The following OTUD7A variants were observed in gnomAD, a reference collection of about 807,000 sequenced individuals.
OTUD7A encodes OTU deubiquitinase 7A, also known as OTU domain-containing protein 7A.
In OTUD7A, 12 loss-of-function variants were observed where a neutral mutation model predicts 65.7. That is an observed-to-expected ratio of 0.18 (90% CI 0.12 to 0.30). The LOEUF (loss-of-function observed/expected upper bound fraction) is 0.30, where lower values mean the gene tolerates loss of function less well. OTUD7A is among the 10% of genes least tolerant of loss of function. The pLI is 1.00. For synonymous variants in OTUD7A, 641 were observed against 586.3 expected, an observed-to-expected ratio of 1.09 and a Z score of -1.35; for missense variants, 1,148 against 1,304.8, an observed-to-expected ratio of 0.88 and a Z score of 1.85.
intron 1 of OTUD7A, among the ~76,000 whole-genome samples, chr15:31,681,980 G>T (rs972559874): frequency 4.6e-5 from 7 of 152,118 alleles, no homozygotes; most frequent in Non-Finnish European, 7.3e-5. Flanking sequence ...CAGGCACAAG[G>T]GAAGGGCACC....
chr15:31,693,052 C>T (rs1476934239), intron 1 of OTUD7A, among the ~76,000 whole-genome samples: 9 of 152,072 alleles, frequency 5.9e-5, no homozygotes, highest in African/African-American at 1.4e-4. Flanking sequence ...AGTGATCACT[C>T]GGTCTGTCTC....
intron 3 of OTUD7A, among the ~76,000 whole-genome samples, chr15:31,604,967 C>G (rs1032895452): frequency 6.6e-6 from 1 of 152,188 alleles, no homozygotes; most frequent in Non-Finnish European, 1.5e-5. Flanking sequence ...AGAGGCACGA[C>G]GAGCAGAGCA....
At chr15:31,632,953 G>A (rs1330664120) in intron 3 of OTUD7A, among the ~76,000 whole-genome samples, 5 of 152,158 alleles carry the variant, frequency 3.3e-5, no homozygotes, top group East Asian at 1.9e-4. Context: ...CTGGTGTGCC[G>A]TTTTTTAAGC....
At chr15:31,659,057 A>G (rs915882298) in intron 1 of OTUD7A, among the ~76,000 whole-genome samples, 2,842 of 104,004 alleles carry the variant, frequency 0.027, 69 homozygotes, top group African/African-American at 0.091. Flanking sequence ...ATAAATAAAT[A>G]AATAAATAAA....
chr15:31,537,458 A>G (rs1332045938), intron 5 of OTUD7A, among the ~76,000 whole-genome samples: 1 of 152,222 alleles, frequency 6.6e-6, no homozygotes, highest in Non-Finnish European at 1.5e-5. Flanking sequence ...ACCACCTACA[A>G]GTCACCTTAT....
intron 1 of OTUD7A, among the ~76,000 whole-genome samples, chr15:31,851,885 G>C (rs1009119986): frequency 2.6e-5 from 4 of 152,174 alleles, no homozygotes; most frequent in African/African-American, 7.2e-5. Flanking sequence ...TTGAGACAGG[G>C]TGTCGCTCTG....
At position 31,749,390 on chromosome 15, in the gene OTUD7A, G is replaced by A. The variant is rs567506411; in HGVS notation, c.-99-92313C>T. Among the ~76,000 whole-genome samples the A allele has an allele frequency of 4.8e-4, 73 of 152,284 alleles. No individual in the cohort carries two copies. The Middle Eastern group carries it at 0.01, about 21-fold the overall frequency. On this transcript the variant is annotated intron_variant, in intron 1 of 12. Coordinates refer to ENST00000307050, the MANE Select transcript of OTUD7A (RefSeq NM_001382637.1). ...ATTGGCACATCCACTTTGGAAAACA[G>A]TTTGGTATTCAGTGTGTGAATTTGA...
intron 6 of OTUD7A, among the ~76,000 whole-genome samples, chr15:31,529,589 G>A (rs940625517): frequency 1.3e-5 from 2 of 152,190 alleles, no homozygotes; most frequent in African/African-American, 4.8e-5. Flanking sequence ...GCAGGTAAGT[G>A]GCTGCCTTGC....
At chr15:31,686,532 T>G (rs1274330024) in intron 1 of OTUD7A, among the ~76,000 whole-genome samples, 2 of 152,196 alleles carry the variant, frequency 1.3e-5, no homozygotes, top group Non-Finnish European at 2.9e-5. Context: ...GGTTTGCTCC[T>G]GGGAAAGCAG....
intron 1 of OTUD7A, among the ~76,000 whole-genome samples, chr15:31,751,767 C>T (rs1406608529): frequency 6.6e-6 from 1 of 152,132 alleles, no homozygotes; most frequent in Non-Finnish European, 1.5e-5. Flanking sequence ...TTTCAAACAA[C>T]ATAAGTGGAG....
At chr15:31,742,563 C>A (rs1683545421) in intron 1 of OTUD7A, among the ~76,000 whole-genome samples, 1 of 152,052 alleles carries the variant, frequency 6.6e-6, no homozygotes, top group African/African-American at 2.4e-5. Context: ...ATGTCAAAAG[C>A]TTTTCCTACC....
chr15:31,863,893 C>T (rs1229172986), intron 1 of OTUD7A, among the ~76,000 whole-genome samples: 1 of 152,166 alleles, frequency 6.6e-6, no homozygotes, highest in Admixed American at 6.5e-5. Context: ...TGCTCTCTTT[C>T]CCTTTTAAAA....
rs1385559358 is a variant in OTUD7A at position 31,697,874 on chromosome 15, T to C, written c.-99-40797A>G. On this transcript the variant is annotated intron_variant, in intron 1 of 12. Transcript: ENST00000307050. ...ATGTGCTGAGATGTGAACAATGCTT[T>C]ATCCCAGCTTGAAGACACTGGTCAC... Among the ~76,000 whole-genome samples the C allele has an allele frequency of 2.0e-5, 3 of 152,332 alleles. No homozygotes were observed. The East Asian group carries it at 5.8e-4, about 29-fold the overall frequency.
intron 3 of OTUD7A, among the ~76,000 whole-genome samples, chr15:31,592,694 C>G (rs576939087): frequency 1.3e-5 from 2 of 151,484 alleles, no homozygotes; most frequent in African/African-American, 4.8e-5. Flanking sequence ...TCCTGGCTAA[C>G]ATGGTGAAAC....
intron 1 of OTUD7A, among the ~76,000 whole-genome samples, chr15:31,824,897 C>G (rs1896762721): frequency 6.6e-6 from 1 of 152,008 alleles, no homozygotes; most frequent in Admixed American, 6.6e-5. Context: ...TTCAAAAGAG[C>G]TCATAGCAGC....
intron 1 of OTUD7A, among the ~76,000 whole-genome samples, chr15:31,718,418 C>G (rs1893650222): frequency 1.3e-5 from 2 of 152,074 alleles, no homozygotes; most frequent in African/African-American, 4.8e-5. Flanking sequence ...CCCTTCTCCC[C>G]CATTTATTTC....
intron 1 of OTUD7A, among the ~76,000 whole-genome samples, chr15:31,658,606 T>C (rs1414330081): frequency 6.6e-6 from 1 of 151,972 alleles, no homozygotes; most frequent in South Asian, 2.1e-4. Flanking sequence ...CACATACAGG[T>C]CTCAGAGACC....
intron 3 of OTUD7A, among the ~76,000 whole-genome samples, chr15:31,651,971 A>G (rs1891851948): frequency 6.7e-6 from 1 of 149,736 alleles, no homozygotes; most frequent in African/African-American, 2.5e-5. Flanking sequence ...AGATAGAGGT[A>G]AGCAGATCCT....
At chr15:31,535,699 CAG>C (rs1284866521) in intron 5 of OTUD7A, among the ~76,000 whole-genome samples, 82 of 122,030 alleles carry the variant, frequency 6.7e-4, no homozygotes, top group African/African-American at 2.3e-3. Context: ...TTTTTTGAGA[CAG>C]AGTCTCGCTC....
Sources: gnomAD v4.1 joint callset for allele counts (sites outside exome capture counted in the v4.1 genomes callset) on GRCh38, gnomAD v4.1.1 for gene constraint, MANE v1.5 for transcripts, NCBI Gene and HGNC (gene_info 2026-07-23, HGNC 2026-07-21) for gene names.